Variants in CACNA1C observed in about 807,000 individuals in gnomAD.
CACNA1C encodes the protein calcium voltage-gated channel subunit alpha1 C.
CACNA1C carries 30 observed loss-of-function variants against 229.0 expected under a neutral mutation model. The ratio of observed to expected loss-of-function variants is 0.13; its 90% CI spans 0.10 to 0.18. The LOEUF (loss-of-function observed/expected upper bound fraction) is 0.18, where lower values mean the gene tolerates loss of function less well. Among genes scored for constraint, CACNA1C ranks in the 10% least tolerant of loss-of-function variants. The pLI, the probability that CACNA1C is intolerant of heterozygous loss-of-function variation, is 1.00. For missense variants in CACNA1C, 1,658 were observed against 2,845.0 expected (o/e 0.58, Z 9.49); for synonymous variants, 1,114 against 1,132.5 (o/e 0.98, Z 0.33).
chr12:1,977,909 A>G (rs1023045926), intron 1 of CACNA1C, among the ~76,000 whole-genome samples: 5 of 152,260 alleles, frequency 3.3e-5, no homozygotes, highest in African/African-American at 1.2e-4. Context: ...AAGATGTTCT[A>G]TAATAGCCAC....
intron 3 of CACNA1C, among the ~76,000 whole-genome samples, chr12:2,264,435 C>G (rs561935844): frequency 5.3e-5 from 8 of 152,230 alleles, no homozygotes; most frequent in Non-Finnish European, 1.0e-4. Context: ...CGTTCAACTC[C>G]CTCCTCTTAC....
chr12:2,070,393 C>G (rs147165571), intron 1 of CACNA1C, among the ~76,000 whole-genome samples: 1 of 152,058 alleles, frequency 6.6e-6, no homozygotes, highest in East Asian at 1.9e-4. Context: ...ATCTTGCATT[C>G]CTTTTCTTCT....
intron 3 of CACNA1C, among the ~76,000 whole-genome samples, chr12:2,363,491 G>A (rs930254168): frequency 5.9e-5 from 9 of 152,184 alleles, no homozygotes; most frequent in East Asian, 1.9e-4. Flanking sequence ...GCTATCTGGC[G>A]CTGTTTGCAG....
At chr12:2,088,031 T>C (rs896818428) in intron 1 of CACNA1C, among the ~76,000 whole-genome samples, 2 of 152,334 alleles carry the variant, frequency 1.3e-5, no homozygotes, top group South Asian at 2.1e-4. Flanking sequence ...ATTCTTTTGA[T>C]GGTCTGCTTA....
chr12:2,429,511 C>T (rs760571015), intron 3 of CACNA1C, among the ~76,000 whole-genome samples: 32 of 152,152 alleles, frequency 2.1e-4, no homozygotes, highest in Non-Finnish European at 3.2e-4. Flanking sequence ...CACCGTAGTC[C>T]AGTGGGGTAA....
chr12:2,502,684 C>T (rs2099763342), intron 7 of CACNA1C, among the ~76,000 whole-genome samples: 1 of 152,242 alleles, frequency 6.6e-6, no homozygotes, highest in Non-Finnish European at 1.5e-5. Flanking sequence ...ACACTTCATA[C>T]CAGTCAGACT....
intron 37 of CACNA1C, chr12:2,668,705 C>T (rs1008320019): frequency 8.4e-5 from 43 of 508,942 alleles, no homozygotes; most frequent in African/African-American, 7.3e-4. Context: ...ACAAGCAGAT[C>T]TCATGAGTAC....
At position 2,287,771 on chromosome 12, in the gene CACNA1C, G is replaced by T. The variant is rs1163594939; in HGVS notation, c.478-161205G>T. Among the ~76,000 whole-genome samples, 2 of 152,154 alleles carry T rather than the reference G, an allele frequency of 1.3e-5. No homozygotes were observed. Among genetic ancestry groups the T allele is most frequent in the Admixed American group, 1.3e-4 (2 of 15,286 alleles). ...GGGCTCCAGCTTCCGAGTTTCAGTG[G>T]CTCCAGGATGGAGCTTGAGAATTTG... On this transcript the variant is annotated intron_variant, in intron 3 of 46. Coordinates refer to ENST00000399655, the MANE Select transcript of CACNA1C (RefSeq NM_000719.7). The surrounding 1 kb of genome is among the most constrained non-coding windows in gnomAD (Gnocchi z 4.6).
intron 1 of CACNA1C, chr12:1,993,538 C>G: frequency 3.3e-6 from 3 of 918,210 alleles, no homozygotes; most frequent in Non-Finnish European, 4.8e-6. Context: ...ACTTCTTCAC[C>G]ACTGGCATCA....
At chr12:2,130,195 T>C (rs1414926883) in intron 3 of CACNA1C, among the ~76,000 whole-genome samples, 1 of 7,502 alleles carries the variant, frequency 1.3e-4, no homozygotes, top group Non-Finnish European at 2.6e-4. Flanking sequence ...AGACCTTTCT[T>C]TTTTTTTTTT....
chr12:2,241,751 G>A (rs2070399260), intron 3 of CACNA1C, among the ~76,000 whole-genome samples: 1 of 152,194 alleles, frequency 6.6e-6, no homozygotes, highest in Admixed American at 6.5e-5. Context: ...TTTGTGGAAA[G>A]ATCCCTCCCA....
At chr12:2,676,758 G>T in intron 39 of CACNA1C, 1 of 179,526 alleles carries the variant, frequency 5.6e-6, no homozygotes, top group Non-Finnish European at 1.2e-5. Flanking sequence ...AAATAATTTT[G>T]ATGGTAGGCT....
chr12:2,406,928 G>T (rs2098744035), intron 3 of CACNA1C, among the ~76,000 whole-genome samples: 1 of 152,346 alleles, frequency 6.6e-6, no homozygotes, highest in East Asian at 1.9e-4. Flanking sequence ...CACTGACCCA[G>T]CAGGGAGGAG....
intron 3 of CACNA1C, among the ~76,000 whole-genome samples, chr12:2,352,539 TTGG>T (rs2097233322): frequency 6.6e-6 from 1 of 152,206 alleles, no homozygotes; most frequent in East Asian, 1.9e-4. Flanking sequence ...TTTCTTTATC[TTGG>T]TGGGGAGATG....
At chr12:2,594,308 C>T (rs2066999820) in intron 19 of CACNA1C, among the ~76,000 whole-genome samples, 1 of 152,238 alleles carries the variant, frequency 6.6e-6, no homozygotes, top group South Asian at 2.1e-4. Flanking sequence ...TTTCTTCCTT[C>T]TGACACTCCA....
In CACNA1C at chr12:2,481,117, C is replaced by G. The variant is rs547498850; in HGVS notation, c.758-4987C>G. Among the ~76,000 whole-genome samples the G allele has an allele frequency of 4.6e-5, 7 of 152,352 alleles. No individual in the cohort carries two copies. The South Asian group carries it at 1.4e-3, about 32-fold the overall frequency. On this transcript the variant is annotated intron_variant, in intron 5 of 46. Transcript: ENST00000399655. The stretch of plus-strand genomic sequence containing the variant: ...CTGCTCATAAAGGCATTTTCATACT[C>G]TTTTGTGATAGTATCTCTGGGGCCC...
intron 3 of CACNA1C, among the ~76,000 whole-genome samples, chr12:2,336,909 A>G (rs931049819): frequency 6.6e-6 from 1 of 152,196 alleles, no homozygotes; most frequent in Non-Finnish European, 1.5e-5. Flanking sequence ...TTTTAAGAGT[A>G]AGACACCGCA....
chr12:2,042,506 T>C (rs2154494863), intron 1 of CACNA1C, among the ~76,000 whole-genome samples: 1 of 152,318 alleles, frequency 6.6e-6, no homozygotes, highest in South Asian at 2.1e-4. Flanking sequence ...GGATATGTTG[T>C]CCGATTCAAG....
At chr12:2,167,821 C>T (rs1264213684) in intron 3 of CACNA1C, among the ~76,000 whole-genome samples, 2 of 152,206 alleles carry the variant, frequency 1.3e-5, no homozygotes, top group African/African-American at 2.4e-5. Flanking sequence ...CTATATACTA[C>T]AGATTGGGTT....
Sources: gnomAD v4.1 joint callset for allele counts (sites outside exome capture counted in the v4.1 genomes callset) on GRCh38, gnomAD v4.1.1 for gene constraint, Gnocchi (gnomAD v3.1) non-coding constraint, MANE v1.5 for transcripts, NCBI Gene and HGNC (gene_info 2026-07-23, HGNC 2026-07-21) for gene names.